CUL3: variants seen among roughly 807,000 people sequenced by gnomAD.
CUL3 encodes cullin 3, also known as cullin-3.
CUL3 carries 19 observed loss-of-function variants against 89.1 expected under a neutral mutation model. The ratio of observed to expected loss-of-function variants is 0.21; its 90% confidence interval spans 0.15 to 0.31. The LOEUF is 0.31. Ranked by LOEUF, CUL3 falls within the 10% of genes least tolerant of loss-of-function variation. The probability of loss-of-function intolerance (pLI) is 1.00; values close to 1 mark genes in which losing one functional copy is unlikely to be tolerated. For missense variants in CUL3, 469 were observed against 942.3 expected (o/e 0.50, Z 6.58); for synonymous variants, 351 against 308.4 (o/e 1.14, Z -1.45).
chr2:224,473,745 A>C lies in CUL3; in HGVS notation c.*500T>G. The C allele has an allele frequency of 5.4e-6, 1 of 185,034 alleles. No homozygotes were observed. Among genetic ancestry groups the C allele is most frequent in the Non-Finnish European group, 1.1e-5 (1 of 87,052 alleles). The allele number at this position is 185,034 out of a possible 1,614,324, so 11.5% of individuals were successfully genotyped here. On this transcript the variant is annotated 3_prime_UTR_variant, in exon 16 of 16. Coordinates refer to ENST00000264414, the MANE Select transcript of CUL3 (RefSeq NM_003590.5). Reference sequence around the variant, plus strand: ...TGCTTGGGTCTTTGTATATTTATCAAACCTTTAAAATTAAATAAGACTAGC... The same window carrying C: ...TGCTTGGGTCTTTGTATATTTATCACACCTTTAAAATTAAATAAGACTAGC...
At chr2:224,539,683 A>G (rs974155256) in intron 2 of CUL3, among the ~76,000 whole-genome samples, 1 of 152,188 alleles carries the variant, frequency 6.6e-6, no homozygotes, top group African/African-American at 2.4e-5. Context: ...GCATATTACA[A>G]AGTGAAATAA....
intron 3 of CUL3, among the ~76,000 whole-genome samples, chr2:224,526,938 AG>A (rs1367876961): frequency 1.3e-5 from 2 of 152,208 alleles, no homozygotes; most frequent in South Asian, 2.1e-4. Flanking sequence ...AATTTAAGGA[AG>A]GAAGAAACCC....
At chr2:224,559,242 G>A (rs1694827069) in intron 1 of CUL3, among the ~76,000 whole-genome samples, 1 of 151,724 alleles carries the variant, frequency 6.6e-6, no homozygotes, top group South Asian at 2.1e-4. Flanking sequence ...TGGAGCTTAG[G>A]AGTTTGAGAC....
Position 224,512,375 on chromosome 2 carries a change from C to A in CUL3, c.655-793G>T, listed in dbSNP as rs1202792000. ...CCTCCCAAAGTGCTGGGATTACAGG[C>A]GTGAGCCACTGTGCCCGGCCAACAC... On this transcript the variant is annotated intron_variant, in intron 5 of 15. Coordinates refer to ENST00000264414, the MANE Select transcript of CUL3 (RefSeq NM_003590.5). Among the ~76,000 whole-genome samples, 8 of 152,276 alleles carry A rather than the reference C, an allele frequency of 5.3e-5. No individual in the cohort carries two copies. In the East Asian group the frequency reaches 7.7e-4, roughly 15 times the overall value.
chr2:224,537,383 A>G (rs979606288), intron 2 of CUL3, among the ~76,000 whole-genome samples: 1 of 152,200 alleles, frequency 6.6e-6, no homozygotes, highest in African/African-American at 2.4e-5. Flanking sequence ...CATAATTTAG[A>G]ATTTTATCAT....
chr2:224,483,252 T>C (rs1325331898), intron 13 of CUL3, among the ~76,000 whole-genome samples: 3 of 152,204 alleles, frequency 2.0e-5, no homozygotes, highest in Admixed American at 6.5e-5. Flanking sequence ...CTTAATCATA[T>C]TCAATGAACC....
At chr2:224,568,398 C>A (rs1438245986) in intron 1 of CUL3, among the ~76,000 whole-genome samples, 3 of 152,200 alleles carry the variant, frequency 2.0e-5, no homozygotes, top group African/African-American at 7.2e-5. Context: ...AGAGATTATG[C>A]ATTTTTCTTC....
At chr2:224,527,991 T>C (rs1457876611) in intron 3 of CUL3, among the ~76,000 whole-genome samples, 1 of 152,228 alleles carries the variant, frequency 6.6e-6, no homozygotes, top group African/African-American at 2.4e-5. Context: ...ATACAAAATT[T>C]GTGCCAACTC....
At chr2:224,544,882 AAC>A (rs1466323378) in intron 2 of CUL3, among the ~76,000 whole-genome samples, 2 of 152,164 alleles carry the variant, frequency 1.3e-5, no homozygotes, top group Non-Finnish European at 2.9e-5. Flanking sequence ...GTTAAAAAGA[AAC>A]ACTGCAATGT....
At chr2:224,583,162 G>T (rs1695482322) in intron 1 of CUL3, among the ~76,000 whole-genome samples, 1 of 152,134 alleles carries the variant, frequency 6.6e-6, no homozygotes, top group Non-Finnish European at 1.5e-5. Context: ...GTGATCACCT[G>T]AGGTCGGGAG....
At chr2:224,524,113 GT>G (rs1475764757) in intron 3 of CUL3, among the ~76,000 whole-genome samples, 5 of 152,106 alleles carry the variant, frequency 3.3e-5, no homozygotes, top group African/African-American at 1.2e-4. Context: ...AACCCCCAGT[GT>G]TTAAAAGCAT....
At chr2:224,498,615 A>C (rs1361151464) in intron 11 of CUL3, among the ~76,000 whole-genome samples, 1 of 152,250 alleles carries the variant, frequency 6.6e-6, no homozygotes, top group Non-Finnish European at 1.5e-5. Context: ...CTAGTTGGAC[A>C]GCAGACATAT....
intron 15 of CUL3, 114 bp downstream of exon 15, chr2:224,478,086 A>G: frequency 9.4e-7 from 1 of 1,064,250 alleles, no homozygotes; most frequent in Non-Finnish European, 1.3e-6. Context: ...CATAAGTGTT[A>G]CATCACTAGG....
chr2:224,511,695 T>A (rs1193962214), intron 5 of CUL3, 113 bp from the exon 6 acceptor site: 1 of 590,302 alleles, frequency 1.7e-6, no homozygotes, highest in Non-Finnish European at 2.9e-6. Flanking sequence ...ATAAGTACTA[T>A]TAGCATTTTG....
chr2:224,518,652 G>A (rs1693153805), intron 3 of CUL3, among the ~76,000 whole-genome samples: 1 of 152,140 alleles, frequency 6.6e-6, no homozygotes, highest in Non-Finnish European at 1.5e-5. Flanking sequence ...CTGGCTATGT[G>A]ACCTTAAGTC....
At chr2:224,513,215 A>G (rs913504203) in intron 5 of CUL3, among the ~76,000 whole-genome samples, 6 of 152,162 alleles carry the variant, frequency 3.9e-5, no homozygotes, top group Non-Finnish European at 7.4e-5. Context: ...GTTTTTGGGG[A>G]GTCAAAAGTT....
intron 3 of CUL3, among the ~76,000 whole-genome samples, chr2:224,515,341 TCA>T (rs1460288006): frequency 1.3e-5 from 2 of 152,238 alleles, no homozygotes; most frequent in Admixed American, 6.5e-5. Context: ...TACAGATATC[TCA>T]GTTTATAAAG....
chr2:224,486,114 A>G (rs12989341), intron 13 of CUL3, among the ~76,000 whole-genome samples: 28,080 of 152,240 alleles, frequency 0.18, 2,932 homozygotes, highest in South Asian at 0.27. Flanking sequence ...AGAGGTCATC[A>G]GCATCAAAGA....
intron 3 of CUL3, among the ~76,000 whole-genome samples, chr2:224,528,676 C>T (rs936372538): frequency 2.0e-5 from 3 of 152,086 alleles, no homozygotes; most frequent in African/African-American, 7.2e-5. Context: ...CTCTCCTCTT[C>T]ATAAAGTTAT....
Sources: gnomAD v4.1 joint callset for allele counts (sites outside exome capture counted in the v4.1 genomes callset) on GRCh38, gnomAD v4.1.1 for gene constraint, MANE v1.5 for transcripts, NCBI Gene and HGNC (gene_info 2026-07-23, HGNC 2026-07-21) for gene names.